The following PIP4P2 variants were observed in gnomAD, a reference collection of about 807,000 sequenced individuals.
PIP4P2 encodes phosphatidylinositol-4,5-bisphosphate 4-phosphatase 2, also known as type 2 phosphatidylinositol 4,5-bisphosphate 4-phosphatase.
Under a neutral mutation model 33.3 loss-of-function variants are expected in PIP4P2, and 19 were observed. The observed-to-expected ratio is 0.57, with a 90% CI of 0.40 to 0.84. The LOEUF is 0.84. PIP4P2 is among the 40% of genes least tolerant of loss of function. The pLI is 0.00. For missense variants in PIP4P2, 270 were observed against 324.7 expected, an observed-to-expected ratio of 0.83 and a Z score of 1.29; for synonymous variants, 110 against 111.9, an observed-to-expected ratio of 0.98 and a Z score of 0.11.
In PIP4P2 at chr8:91,034,616, T is replaced by A. The variant is rs548857239; in HGVS notation, c.106+6028A>T. 8.7e-4 allele frequency among the ~76,000 whole-genome samples: 132 copies of A among 152,318 alleles called. 1 individual carries two copies. In the Middle Eastern group the frequency reaches 0.024, roughly 28 times the overall value. On this transcript the variant is annotated intron_variant, in intron 1 of 6. Coordinates refer to ENST00000285419, the MANE Select transcript of PIP4P2 (RefSeq NM_018710.3). Reference sequence around the variant, plus strand: ...GTATCACAGCAGGTGAACACTCTACTGGGGCTTGGGGGAGCTTCAGGAAGC... The same window carrying A: ...GTATCACAGCAGGTGAACACTCTACAGGGGCTTGGGGGAGCTTCAGGAAGC...
chr8:91,020,695 A>G (rs1811996182), intron 2 of PIP4P2, among the ~76,000 whole-genome samples: 1 of 152,196 alleles, frequency 6.6e-6, no homozygotes, highest in Admixed American at 6.5e-5. Context: ...TTAAAAAAGG[A>G]AAGGTGTTAT....
intron 1 of PIP4P2, among the ~76,000 whole-genome samples, chr8:91,035,082 A>G (rs1230916962): frequency 6.6e-6 from 1 of 152,208 alleles, no homozygotes; most frequent in Non-Finnish European, 1.5e-5. Context: ...CAAAACCAGG[A>G]GTCAATTTAT....
chr8:91,033,430 T>G (rs962550587), intron 1 of PIP4P2, among the ~76,000 whole-genome samples: 3 of 152,186 alleles, frequency 2.0e-5, no homozygotes, highest in African/African-American at 7.2e-5. Context: ...AAGTCCTGTT[T>G]AAAATACATC....
At chr8:91,014,758 G>GACAC (rs142952434) in intron 4 of PIP4P2, among the ~76,000 whole-genome samples, 42,827 of 142,454 alleles carry the variant, frequency 0.3, 6,893 homozygotes, top group Admixed American at 0.47. Context: ...TTACCACAAA[G>GACAC]ACACACACAC....
At chr8:91,018,692 T>C (rs1172894904) in intron 3 of PIP4P2, 179 bp from the exon 4 acceptor site, 4 of 756,550 alleles carry the variant, frequency 5.3e-6, no homozygotes, top group African/African-American at 1.8e-5. Context: ...AAAAGCAAAA[T>C]ATGAGTCTGT....
intron 5 of PIP4P2, among the ~76,000 whole-genome samples, chr8:91,007,219 C>A (rs567259087): frequency 6.6e-6 from 1 of 152,022 alleles, no homozygotes; most frequent in African/African-American, 2.4e-5. Context: ...CATGTACAGA[C>A]TTCTATTGGA....
intron 1 of PIP4P2, among the ~76,000 whole-genome samples, chr8:91,031,437 T>C (rs1270181149): frequency 6.6e-6 from 1 of 152,196 alleles, no homozygotes; most frequent in Non-Finnish European, 1.5e-5. Flanking sequence ...AATGTCATAT[T>C]GTAACATGCC....
At chr8:91,000,947 T>C (rs1410501987) in intron 5 of PIP4P2, among the ~76,000 whole-genome samples, 1 of 152,096 alleles carries the variant, frequency 6.6e-6, no homozygotes, top group East Asian at 1.9e-4. Flanking sequence ...TTCACTTACC[T>C]CTATCTTCCA....
chr8:91,015,142 G>T (rs1586179420), intron 4 of PIP4P2, among the ~76,000 whole-genome samples: 1 of 152,158 alleles, frequency 6.6e-6, no homozygotes, highest in African/African-American at 2.4e-5. Context: ...TGAAAAGCGT[G>T]TAAGAGCTTC....
At chr8:91,003,108 T>G (rs1311808923) in intron 5 of PIP4P2, among the ~76,000 whole-genome samples, 4 of 152,124 alleles carry the variant, frequency 2.6e-5, no homozygotes, top group Non-Finnish European at 5.9e-5. Flanking sequence ...AAAATAACAA[T>G]GGAAATTGTA....
chr8:91,036,879 CAATTGA>C (rs1405591909), intron 1 of PIP4P2, among the ~76,000 whole-genome samples: 1 of 152,082 alleles, frequency 6.6e-6, no homozygotes. Flanking sequence ...TGTGAAGGCT[CAATTGA>C]GCTTGGCATC....
At position 90,995,519 on chromosome 8, in the gene PIP4P2, T is replaced by C. The variant is rs1261461435; in HGVS notation, c.*158A>G. On this transcript the variant is annotated 3_prime_UTR_variant, in exon 7 of 7. Coordinates refer to ENST00000285419, the MANE Select transcript of PIP4P2 (RefSeq NM_018710.3). ...GCAAAACAATTTGCATATAATATAGTGCAATGAGCATTTGTTCATAAAAGA... is the reference window on the plus strand; with the variant it reads ...GCAAAACAATTTGCATATAATATAGCGCAATGAGCATTTGTTCATAAAAGA... 2 of 819,118 alleles carry C rather than the reference T, an allele frequency of 2.4e-6. No individual in the cohort carries two copies. The highest frequency in any genetic ancestry group is 1.8e-5 in the African/African-American group (1 of 55,918). The allele number at this position is 819,118 out of a possible 1,614,324, so 50.7% of individuals were successfully genotyped here.
chr8:91,040,617 A>C (rs1244471875), intron 1 of PIP4P2, 27 bp downstream of exon 1: 2 of 1,612,468 alleles, frequency 1.2e-6, no homozygotes, highest in African/African-American at 1.3e-5. Context: ...CTTCCTTGCA[A>C]AGTAGAGGGA....
At chr8:91,007,220 T>G (rs1811775337) in intron 5 of PIP4P2, among the ~76,000 whole-genome samples, 1 of 152,176 alleles carries the variant, frequency 6.6e-6, no homozygotes, top group African/African-American at 2.4e-5. Context: ...ATGTACAGAC[T>G]TCTATTGGAT....
At chr8:91,012,266 A>T (rs1811848465) in intron 4 of PIP4P2, among the ~76,000 whole-genome samples, 1 of 151,438 alleles carries the variant, frequency 6.6e-6, no homozygotes. Context: ...TTCACATTTG[A>T]TTTTCAATCA....
chr8:91,010,413 T>C (rs188471882), intron 4 of PIP4P2, among the ~76,000 whole-genome samples: 1 of 152,024 alleles, frequency 6.6e-6, no homozygotes, highest in African/African-American at 2.4e-5. Context: ...ATTTCAGTAT[T>C]TTAGATGATG....
chr8:91,035,752 G>A (rs1224465077), intron 1 of PIP4P2, among the ~76,000 whole-genome samples: 7 of 152,146 alleles, frequency 4.6e-5, no homozygotes, highest in Admixed American at 4.6e-4. Flanking sequence ...CGCTGGGCCT[G>A]GTGTGGTGGC....
intron 1 of PIP4P2, among the ~76,000 whole-genome samples, chr8:91,033,834 C>T (rs1428984048): frequency 6.6e-6 from 1 of 152,256 alleles, no homozygotes; most frequent in Non-Finnish European, 1.5e-5. Flanking sequence ...GGCTGGAGTA[C>T]AATGGCACAA....
chr8:91,025,004 T>G (rs920979508), intron 1 of PIP4P2, among the ~76,000 whole-genome samples: 1 of 152,150 alleles, frequency 6.6e-6, no homozygotes, highest in African/African-American at 2.4e-5. Flanking sequence ...CTGACTCCTG[T>G]TCTGGAGATC....
Sources: gnomAD v4.1 joint callset for allele counts (sites outside exome capture counted in the v4.1 genomes callset) on GRCh38, gnomAD v4.1.1 for gene constraint, MANE v1.5 for transcripts, NCBI Gene and HGNC (gene_info 2026-07-23, HGNC 2026-07-21) for gene names.